The following FBXW5 variants were observed in gnomAD, a reference collection of about 807,000 sequenced individuals.
FBXW5 encodes F-box/WD repeat-containing protein 5.
In FBXW5, 74 loss-of-function variants were observed where a neutral mutation model predicts 50.9. That is an observed-to-expected ratio of 1.45 (90% CI 1.20 to 1.76). The LOEUF is 1.76. Ranked by LOEUF, FBXW5 falls within the 40% of genes most tolerant of loss-of-function variation. FBXW5 has a pLI of 0.00. For missense variants in FBXW5, 1,073 were observed against 818.8 expected, an observed-to-expected ratio of 1.31 and a Z score of -3.79; for synonymous variants, 523 against 362.2, an observed-to-expected ratio of 1.44 and a Z score of -5.04.
chr9:136,944,488 G>A, intron 1 of FBXW5, 106 bp downstream of exon 1: 1 of 983,954 alleles, frequency 1.0e-6, no homozygotes, highest in Non-Finnish European at 1.2e-6. Flanking sequence ...GCGGGCTCGG[G>A]GCGGACGGCG....
In FBXW5 at chr9:136,943,425, G is replaced by T; in HGVS notation, c.275C>A (p.Thr92Lys). Residue 92 changes from threonine (T) to lysine (K), a missense_variant, in exon 3 of 9, where the codon ACA becomes AAA. Coordinates refer to ENST00000325285, the MANE Select transcript of FBXW5 (RefSeq NM_018998.4). ...CVEVQTLREH[T>K]DQVLHLSFSH... ...GAAGCTGAGGTGCAGGACCTGGTCT[G>T]TGTGTTCCCGCAGCGTCTGCACCTC... The T allele has an allele frequency of 6.2e-7, 1 of 1,612,898 alleles. No individual in the cohort carries two copies. Among genetic ancestry groups the T allele is most frequent in the Non-Finnish European group, 8.5e-7 (1 of 1,179,968 alleles).
chr9:136,943,042 C>CAG, intron 3 of FBXW5, 99 bp from the exon 4 acceptor site: 1 of 1,565,206 alleles, frequency 6.4e-7, no homozygotes, highest in Non-Finnish European at 8.7e-7. Flanking sequence ...CAGCCCTACT[C>CAG]AGAGGCCACC....
In FBXW5 at chr9:136,942,219, C is replaced by A. The variant is rs752950907; in HGVS notation, c.923G>T (p.Arg308Leu). ...AKEGLRHFLD[R>L]VLEGRAQPQL... is the part of the protein sequence containing the mutation. Reference sequence around the variant, plus strand: ...TGGCTGCGCCCGCCCCTCCAGCACGCGGTCCAGAAAGTGCCGCAAGCCCTC... The same window carrying A: ...TGGCTGCGCCCGCCCCTCCAGCACGAGGTCCAGAAAGTGCCGCAAGCCCTC... The change falls in exon 6 of 9, where the codon CGC becomes CTC. Residue 308 changes from arginine (R) to leucine (L), a missense_variant. Transcript: ENST00000325285. 1.0e-5 allele frequency: 16 copies of A among 1,592,280 alleles called. No individual in the cohort carries two copies. Among genetic ancestry groups the A allele is most frequent in the Non-Finnish European group, 1.4e-5 (16 of 1,170,652 alleles).
rs1205128693 is a variant in FBXW5 at position 136,940,990 on chromosome 9, G to GGA, written c.1637_1638dup (p.Leu547SerfsTer58). 1.9e-6 allele frequency: 3 copies of GGA among 1,557,398 alleles called. No individual in the cohort carries two copies. Among genetic ancestry groups the GGA allele is most frequent in the Non-Finnish European group, 2.6e-6 (3 of 1,150,704 alleles). On this transcript the variant is annotated frameshift_variant, in exon 9 of 9. Coordinates refer to ENST00000325285, the MANE Select transcript of FBXW5 (RefSeq NM_018998.4). LOFTEE classifies it high-confidence loss of function. ...CGAGGCCGTGGGCGAGGTGCCTGGA[G>GGA]GACGCGCATGGTGCGTGGGGAGCGC...
chr9:136,942,797 TGAG>T lies in FBXW5; in HGVS notation c.495_497del (p.Ser167del), dbSNP rs777706097. The stretch of plus-strand genomic sequence containing the variant: ...GGCTGATGACAGCAATCTCGCCGGA[TGAG>T]GAGTTGTGCGGCCCCAGGAACACCC... On this transcript the variant is annotated inframe_deletion, in exon 4 of 9. Coordinates refer to ENST00000325285, the MANE Select transcript of FBXW5 (RefSeq NM_018998.4). 60 of 1,612,532 alleles carry T rather than the reference TGAG, an allele frequency of 3.7e-5. No individual in the cohort carries two copies. Among genetic ancestry groups the T allele is most frequent in the East Asian group, 4.5e-5 (2 of 44,848 alleles).
At chr9:136,944,319 CGGCCGGCAG>C in intron 1 of FBXW5, 1 of 588,768 alleles carries the variant, frequency 1.7e-6, no homozygotes, top group South Asian at 7.7e-5. Flanking sequence ...CGGCCTCCTG[CGGCCGGCAG>C]CGGGCGCCCC....
intron 6 of FBXW5, 129 bp from the exon 7 acceptor site, chr9:136,941,813 G>A (rs768392585): frequency 3.7e-5 from 53 of 1,444,432 alleles, no homozygotes; most frequent in Middle Eastern, 2.2e-4. Flanking sequence ...TGCCTGCTCC[G>A]GGGGCCCCAG....
chr9:136,943,122 C>T, intron 3 of FBXW5, 179 bp from the exon 4 acceptor site: 1 of 1,101,422 alleles, frequency 9.1e-7, no homozygotes, highest in Non-Finnish European at 1.3e-6. Context: ...GAGGAGCCTG[C>T]CCCTGAAGCA....
rs1850827586 is a variant in FBXW5 at position 136,942,591 on chromosome 9, C to G, written c.631G>C (p.Asp211His). Residue 211 changes from aspartate to histidine, a missense_variant, in exon 5 of 9, where the codon GAT becomes CAT. Coordinates refer to ENST00000325285, the MANE Select transcript of FBXW5 (RefSeq NM_018998.4). The stretch of plus-strand genomic sequence containing the variant: ...CACAGCACCGAGCAGGAGGTGATAT[C>G]TCCGATGCGGTGCAGGTTCCCCGAG... Reference protein sequence around the residue: ...LISGNLHRIGDITSCSVLWLN... With the variant: ...LISGNLHRIGHITSCSVLWLN... 1 of 1,611,536 alleles carries G rather than the reference C, an allele frequency of 6.2e-7. No individual in the cohort carries two copies. Among genetic ancestry groups the G allele is most frequent in the Non-Finnish European group, 8.5e-7 (1 of 1,179,440 alleles).
Position 136,944,688 on chromosome 9 carries a change from G to T in FBXW5, c.-118C>A. The T allele has an allele frequency of 3.0e-6, 3 of 985,674 alleles. No individual in the cohort carries two copies. The highest frequency in any genetic ancestry group is 4.6e-5 in the South Asian group (1 of 21,890). 61.1% of individuals were successfully genotyped at this position (985,674 alleles called of 1,614,324 possible). On this transcript the variant is annotated 5_prime_UTR_variant, in exon 1 of 9. Coordinates refer to ENST00000325285, the MANE Select transcript of FBXW5 (RefSeq NM_018998.4). ...GCTCGGACCGCCGCCCCCGCCCAAC[G>T]GGGAGCCCGCCAGGCCCGACGCCAC...
chr9:136,941,028 G>A lies in FBXW5; in HGVS notation c.1601C>T (p.Thr534Ile), dbSNP rs1480295223. Reference protein sequence around the residue: ...ELLLTASDDATIKAWRSPRTM... With the variant: ...ELLLTASDDAIIKAWRSPRTM... ...GCGTGGGGAGCGCCAGGCTTTGATGGTGGCGTCGTCGCTGGCCGTGAGCAG... is the reference window on the plus strand; with the variant it reads ...GCGTGGGGAGCGCCAGGCTTTGATGATGGCGTCGTCGCTGGCCGTGAGCAG... The change falls in exon 9 of 9, where the codon ACC (threonine) becomes ATC (isoleucine). Residue 534 changes from threonine (T) to isoleucine (I), a missense_variant. Transcript: ENST00000325285. 1.9e-6 allele frequency: 3 copies of A among 1,553,210 alleles called. No individual in the cohort carries two copies. The highest frequency in any genetic ancestry group is 2.6e-6 in the Non-Finnish European group (3 of 1,148,238).
At position 136,942,612 on chromosome 9, in the gene FBXW5, C is replaced by G; in HGVS notation, c.610G>C (p.Gly204Arg). The change falls in exon 5 of 9, where the codon GGG becomes CGG. Residue 204 changes from glycine to arginine, a missense_variant. By Grantham distance (125) the Gly-to-Arg change is moderately radical (BLOSUM62 -2). Coordinates refer to ENST00000325285, the MANE Select transcript of FBXW5 (RefSeq NM_018998.4). ...CWLTETSLIS[G>R]NLHRIGDITS... is the part of the protein sequence containing the mutation. ...ATATCTCCGATGCGGTGCAGGTTCC[C>G]CGAGATGAGGCTGGTCTCGGTGAGC... The G allele has an allele frequency of 6.2e-7, 1 of 1,610,656 alleles. No homozygotes were observed. Among genetic ancestry groups the G allele is most frequent in the East Asian group, 2.2e-5 (1 of 44,784 alleles).
intron 6 of FBXW5, 65 bp from the exon 7 acceptor site, chr9:136,941,749 T>G: frequency 6.9e-7 from 1 of 1,447,436 alleles, no homozygotes. Flanking sequence ...CAGGGCAGCT[T>G]CCTACCTCAG....
In FBXW5 at chr9:136,944,020, C is replaced by T. The variant is rs1850928033; in HGVS notation, c.64G>A (p.Gly22Ser). 6.2e-7 allele frequency: 1 copy of T among 1,602,240 alleles called. No individual in the cohort carries two copies. Among genetic ancestry groups the T allele is most frequent in the Non-Finnish European group, 8.5e-7 (1 of 1,175,344 alleles). The change falls in exon 2 of 9, where the codon GGC becomes AGC. Residue 22 changes from glycine to serine, a missense_variant. By Grantham distance (56) the Gly-to-Ser change is moderately conservative (BLOSUM62 0). Transcript: ENST00000325285. ...CCGGCGGCCAGCACGTCGGCCGGGC[C>T]CAGGCTCAGGAAGATCTGGTAGACC... ...SLVYQIFLSL[G>S]PADVLAAGLV...
Position 136,941,096 on chromosome 9 carries a change from A to C in FBXW5, c.1533T>G (p.Asp511Glu). The part of the protein sequence containing the change: ...NICLARLRHE[D>E]VVNSVVFSPQ... Reference sequence around the variant, plus strand: ...GACTGAAGACCACTGAGTTGACCACATCCTCGTGCCGCAGCCTGGCCAGAC... The same window carrying C: ...GACTGAAGACCACTGAGTTGACCACCTCCTCGTGCCGCAGCCTGGCCAGAC... Residue 511 changes from aspartate (D) to glutamate (E), a missense_variant, in exon 9 of 9, where the codon GAT becomes GAG. Transcript: ENST00000325285. The C allele has an allele frequency of 1.9e-6, 3 of 1,579,558 alleles. No individual in the cohort carries two copies. The highest frequency in any genetic ancestry group is 8.6e-7 in the Non-Finnish European group (1 of 1,162,718).
At position 136,942,818 on chromosome 9, in the gene FBXW5, GAA is replaced by G; in HGVS notation, c.475_476del (p.Phe159ProfsTer31). 1 of 1,613,250 alleles carries G rather than the reference GAA, an allele frequency of 6.2e-7. No individual in the cohort carries two copies. Among genetic ancestry groups the G allele is most frequent in the Non-Finnish European group, 8.5e-7 (1 of 1,179,982 alleles). Reference protein sequence around the residue: ...DDSLLLASGVFLGPHNSSSGE... With the variant: ...DDSLLLASGVXLGPHNSSSGE... ...CGGATGAGGAGTTGTGCGGCCCCAG[GAA>G]CACCCCCGAGGCCAGCAGTAGCGAG... On this transcript the variant is annotated frameshift_variant, in exon 4 of 9. Transcript: ENST00000325285. LOFTEE classifies it high-confidence loss of function.
chr9:136,941,778 G>GA (rs1850780962), intron 6 of FBXW5, 94 bp from the exon 7 acceptor site: 1 of 1,419,034 alleles, frequency 7.0e-7, no homozygotes, highest in Non-Finnish European at 9.4e-7. Flanking sequence ...CTGGGGCTGT[G>GA]AGCACCACAG....
rs888941757 is a variant in FBXW5 at position 136,942,250 on chromosome 9, C to T, written c.892G>A (p.Ala298Thr). 22 of 1,583,482 alleles carry T rather than the reference C, an allele frequency of 1.4e-5. No homozygotes were observed. Among genetic ancestry groups the T allele is most frequent in the South Asian group, 8.0e-5 (7 of 87,726 alleles). Residue 298 changes from alanine (A) to threonine (T), a missense_variant, in exon 6 of 9, where the codon GCC (alanine) becomes ACC (threonine). By Grantham distance (58) the Ala-to-Thr change is moderately conservative. Coordinates refer to ENST00000325285, the MANE Select transcript of FBXW5 (RefSeq NM_018998.4). The stretch of plus-strand genomic sequence containing the variant: ...AGAAAGTGCCGCAAGCCCTCCTTGG[C>T]GTGGGCGGGGGCCGGGCCAGCCACC... The part of the protein sequence containing the change: ...EVVAGPAPAH[A>T]KEGLRHFLDR...
rs1850816308 is a variant in FBXW5, at chr9:136,942,428, C to T, written c.714G>A (p.Leu238=). ...ESENVNVVKR[L]FKIQNLNAST... ...TGGCATTGAGGTTCTGGATCTTGAA[C>T]AGCCGCTTCACCACGTTGACGTTCT... The change falls in exon 6 of 9, where the codon CTG becomes CTA. Residue 238 remains leucine (L), a synonymous_variant. Transcript: ENST00000325285. The T allele has an allele frequency of 3.1e-6, 5 of 1,602,684 alleles. No individual in the cohort carries two copies. In the East Asian group the frequency reaches 9.0e-5, roughly 29 times the overall value.
Sources: allele counts gnomAD v4.1 joint callset, GRCh38; gene constraint gnomAD v4.1.1; transcripts MANE v1.5; gene names NCBI Gene and HGNC (gene_info 2026-07-23, HGNC 2026-07-21).